Variants in CHSY3 observed in about 807,000 individuals in gnomAD.
The protein encoded by CHSY3 is chondroitin sulfate synthase 3.
A neutral mutation model predicts 67.2 loss-of-function variants in CHSY3; 35 were observed. The observed-to-expected ratio is 0.52, with a 90% CI of 0.40 to 0.69. CHSY3 has a LOEUF of 0.69. CHSY3 is among the 30% of genes least tolerant of loss of function. The probability of loss-of-function intolerance (pLI) is 0.00; values close to 1 mark genes in which losing one functional copy is unlikely to be tolerated. For missense variants in CHSY3, 1,069 were observed against 1,138.5 expected (o/e 0.94, Z 0.88); for synonymous variants, 474 against 434.7 (o/e 1.09, Z -1.12).
Position 129,905,477 on chromosome 5 carries a change from GC to G in CHSY3, c.653del (p.Pro218ArgfsTer24). The G allele has an allele frequency of 6.2e-7, 1 of 1,612,852 alleles. No individual in the cohort carries two copies. Among genetic ancestry groups the G allele is most frequent in the Non-Finnish European group, 8.5e-7 (1 of 1,179,994 alleles). On this transcript the variant is annotated frameshift_variant, in exon 1 of 3. Coordinates refer to ENST00000305031, the MANE Select transcript of CHSY3 (RefSeq NM_175856.5). LOFTEE classifies it high-confidence loss of function. ...SSQQPPNAGQPPPPLPVIALP... is the reference protein window; with the variant it reads ...SSQQPPNAGQXPPPLPVIALP... Reference sequence around the variant, plus strand: ...GCCAGCAGCCCCCCAACGCCGGCCAGCCCCCGCCACCCCTGCCTGTCATCGC... The same window carrying G: ...GCCAGCAGCCCCCCAACGCCGGCCAGCCCCGCCACCCCTGCCTGTCATCGC...
At chr5:130,102,971 A>G (rs1023905254) in intron 2 of CHSY3, among the ~76,000 whole-genome samples, 3 of 152,072 alleles carry the variant, frequency 2.0e-5, no homozygotes, top group African/African-American at 7.2e-5. Flanking sequence ...GGAAGAAAAT[A>G]TGGGTTATTT....
At chr5:130,103,994 T>G (rs1015922162) in intron 2 of CHSY3, among the ~76,000 whole-genome samples, 13 of 151,920 alleles carry the variant, frequency 8.6e-5, no homozygotes, top group Admixed American at 2.6e-4. Flanking sequence ...TATGTATTGA[T>G]GGACTTTAAG....
intron 2 of CHSY3, among the ~76,000 whole-genome samples, chr5:129,913,997 AC>A (rs1417273899): frequency 6.6e-6 from 1 of 152,252 alleles, no homozygotes; most frequent in Non-Finnish European, 1.5e-5. Flanking sequence ...AGAAAGCTGT[AC>A]CATATGAAAC....
At chr5:130,084,395 G>T (rs28529650) in intron 2 of CHSY3, among the ~76,000 whole-genome samples, 17,964 of 151,860 alleles carry the variant, frequency 0.12, 1,473 homozygotes, top group African/African-American at 0.23. Flanking sequence ...CCACAATGTA[G>T]ACATGTGTGT....
At chr5:130,121,575 A>G (rs1768025557) in intron 2 of CHSY3, among the ~76,000 whole-genome samples, 1 of 152,204 alleles carries the variant, frequency 6.6e-6, no homozygotes, top group South Asian at 2.1e-4. Flanking sequence ...TACTTGGGGC[A>G]CATCACATAT....
intron 2 of CHSY3, among the ~76,000 whole-genome samples, chr5:130,121,493 T>A (rs1384667939): frequency 6.6e-6 from 1 of 152,198 alleles, no homozygotes; most frequent in Non-Finnish European, 1.5e-5. Flanking sequence ...AGGAGCTTCC[T>A]GCACTTCTCC....
At chr5:130,120,182 G>A (rs548438133) in intron 2 of CHSY3, among the ~76,000 whole-genome samples, 1 of 152,218 alleles carries the variant, frequency 6.6e-6, no homozygotes, top group African/African-American at 2.4e-5. Context: ...CATTTATAGG[G>A]AGAGTCTTCC....
At chr5:129,986,561 C>T (rs1303674011) in intron 2 of CHSY3, among the ~76,000 whole-genome samples, 2 of 151,922 alleles carry the variant, frequency 1.3e-5, no homozygotes, top group Admixed American at 6.6e-5. Context: ...GGGAGGAATC[C>T]CTAAATCATT....
chr5:129,907,996 G>A, intron 1 of CHSY3, 81 bp from the exon 2 acceptor site: 1 of 1,517,636 alleles, frequency 6.6e-7, no homozygotes, highest in South Asian at 1.4e-5. Context: ...GCACAATGTT[G>A]AAAGTTCTGT....
intron 2 of CHSY3, among the ~76,000 whole-genome samples, chr5:130,142,338 G>A (rs2149719980): frequency 6.6e-6 from 1 of 152,260 alleles, no homozygotes; most frequent in African/African-American, 2.4e-5. Context: ...TTTGGTATCT[G>A]TTTCAATTGG....
intron 2 of CHSY3, among the ~76,000 whole-genome samples, chr5:130,020,436 TATATATATATATATATATATATATA>T (rs1764337515): frequency 6.4e-4 from 1 of 1,562 alleles, no homozygotes; most frequent in African/African-American, 1.8e-3. Context: ...TATATATATA[TATATATATATATATATATATATATA>T]TTTTTTTTTT....
chr5:129,973,494 T>A (rs1762704185), intron 2 of CHSY3, among the ~76,000 whole-genome samples: 1 of 152,168 alleles, frequency 6.6e-6, no homozygotes, highest in Non-Finnish European at 1.5e-5. Context: ...AATTGTTGCC[T>A]TTTTTAAAGA....
intron 2 of CHSY3, among the ~76,000 whole-genome samples, chr5:130,158,992 A>G (rs1769449175): frequency 6.6e-6 from 1 of 151,880 alleles, no homozygotes; most frequent in Admixed American, 6.6e-5. Context: ...GTAGAGACGC[A>G]GTTTCACCAT....
intron 2 of CHSY3, among the ~76,000 whole-genome samples, chr5:130,035,796 A>G (rs567751500): frequency 1.3e-5 from 2 of 152,040 alleles, no homozygotes; most frequent in African/African-American, 4.8e-5. Flanking sequence ...ATGACAATGA[A>G]ATTTAGAATA....
rs190473144 is a variant in CHSY3, at chr5:130,101,319, C to T, written c.1087-82910C>T. On this transcript the variant is annotated intron_variant, in intron 2 of 2. Coordinates refer to ENST00000305031, the MANE Select transcript of CHSY3 (RefSeq NM_175856.5). The stretch of plus-strand genomic sequence containing the variant: ...TCATTTCCTTCATAGAATAGCATAA[C>T]GCAAATTTCTCAAAATCACCATTGA... 1.5e-3 allele frequency among the ~76,000 whole-genome samples: 225 copies of T among 152,134 alleles called. 2 individuals carry two copies. The highest frequency in any genetic ancestry group is 4.4e-3 in the Admixed American group (67 of 15,288).
chr5:130,006,253 A>T (rs1763869968), intron 2 of CHSY3, among the ~76,000 whole-genome samples: 1 of 152,252 alleles, frequency 6.6e-6, no homozygotes, highest in South Asian at 2.1e-4. Flanking sequence ...ATTTGCCTGG[A>T]ATGGTTAGAA....
intron 2 of CHSY3, among the ~76,000 whole-genome samples, chr5:130,178,253 A>ATATATTTTTTTTTTTT (rs1205782386): frequency 4.4e-5 from 2 of 45,912 alleles, no homozygotes; most frequent in Admixed American, 4.0e-4. Context: ...ATATATATAT[A>ATATATTTTTTTTTTTT]TTTTTTTTTT....
At chr5:130,088,526 C>T (rs1305039703) in intron 2 of CHSY3, among the ~76,000 whole-genome samples, 1 of 151,914 alleles carries the variant, frequency 6.6e-6, no homozygotes, top group Non-Finnish European at 1.5e-5. Context: ...AACAGATTTA[C>T]AAGAAAAAAA....
chr5:130,008,728 T>G (rs1318072249), intron 2 of CHSY3, among the ~76,000 whole-genome samples: 9 of 152,168 alleles, frequency 5.9e-5, no homozygotes, highest in African/African-American at 2.2e-4. Context: ...CTGAAATGAT[T>G]TAAATGCTGA....
Sources: gnomAD v4.1 joint callset for allele counts (sites outside exome capture counted in the v4.1 genomes callset) on GRCh38, gnomAD v4.1.1 for gene constraint, MANE v1.5 for transcripts, NCBI Gene and HGNC (gene_info 2026-07-23, HGNC 2026-07-21) for gene names.